The following ARHGAP20 variants were observed in gnomAD, a reference collection of about 807,000 sequenced individuals.
ARHGAP20 encodes the protein Rho GTPase activating protein 20, also known as rho GTPase-activating protein 20.
In ARHGAP20, 34 loss-of-function variants were observed where a neutral mutation model predicts 73.7. The observed-to-expected ratio is 0.46, with a 90% CI of 0.35 to 0.61. ARHGAP20 has a LOEUF of 0.61. Ranked by LOEUF, ARHGAP20 falls within the 20% of genes least tolerant of loss-of-function variation. ARHGAP20 has a pLI of 0.00. For synonymous variants in ARHGAP20, 523 were observed against 518.2 expected (o/e 1.01, Z -0.13); for missense variants, 1,314 against 1,420.9 (o/e 0.92, Z 1.21).
At position 110,577,403 on chromosome 11, in the gene ARHGAP20, T is replaced by TA. The variant is rs1295683384; in HGVS notation, c.*1966dup. 11 of 1,154,044 alleles carry TA rather than the reference T, an allele frequency of 9.5e-6. 1 individual carries two copies. The highest frequency in any genetic ancestry group is 8.7e-5 in the South Asian group (2 of 22,874). 71.5% of individuals were successfully genotyped at this position (1,154,044 alleles called of 1,614,324 possible). A position where few individuals can be genotyped will look rare whatever the true frequency, so the allele number is the denominator to read the frequency against. ...GAACACAGATAGTAGGAATGGTTAT[T>TA]AAAAAACCTCAGCAACTATTTTCTT... is the stretch of plus-strand genomic sequence containing the variant. On this transcript the variant is annotated 3_prime_UTR_variant, in exon 15 of 15. Transcript: ENST00000683387.
At chr11:110,661,512 A>G (rs1420157551) in intron 2 of ARHGAP20, among the ~76,000 whole-genome samples, 2 of 152,104 alleles carry the variant, frequency 1.3e-5, no homozygotes, top group African/African-American at 4.8e-5. Context: ...TAACACAACC[A>G]AATTATACTT....
At chr11:110,674,630 T>C (rs1565471496) in intron 2 of ARHGAP20, among the ~76,000 whole-genome samples, 1 of 151,620 alleles carries the variant, frequency 6.6e-6, no homozygotes, top group African/African-American at 2.4e-5. Flanking sequence ...AGATTTCTCA[T>C]TATATATATA....
chr11:110,583,989 A>G (rs1947547454), intron 12 of ARHGAP20, among the ~76,000 whole-genome samples: 7 of 152,206 alleles, frequency 4.6e-5, no homozygotes. Flanking sequence ...ATGCAGAAAA[A>G]TATTTCATTA....
At position 110,579,345 on chromosome 11, in the gene ARHGAP20, T is replaced by A. The variant is rs1947370561; in HGVS notation, c.*25A>T. The A allele has an allele frequency of 6.4e-7, 1 of 1,553,950 alleles. No individual in the cohort carries two copies. The highest frequency in any genetic ancestry group is 1.2e-5 in the South Asian group (1 of 82,906). On this transcript the variant is annotated 3_prime_UTR_variant, in exon 15 of 15. Coordinates refer to ENST00000683387, the MANE Select transcript of ARHGAP20 (RefSeq NM_001384657.1). ...TTATTATTAACCCAGTTCCTGTTCTTGTGGACATCAGATTCTTACTATGCT... is the reference window on the plus strand; with the variant it reads ...TTATTATTAACCCAGTTCCTGTTCTAGTGGACATCAGATTCTTACTATGCT...
chr11:110,592,731 T>C (rs898587084), intron 9 of ARHGAP20, among the ~76,000 whole-genome samples: 2 of 152,180 alleles, frequency 1.3e-5, no homozygotes, highest in Admixed American at 1.3e-4. Context: ...TGTTAAGATG[T>C]TCGTTAGAAA....
intron 9 of ARHGAP20, among the ~76,000 whole-genome samples, chr11:110,592,689 G>A (rs1024708536): frequency 1.8e-4 from 27 of 152,068 alleles, no homozygotes; most frequent in Non-Finnish European, 4.0e-4. Context: ...AAGGGAAGAG[G>A]GGAGGAGAAG....
intron 2 of ARHGAP20, among the ~76,000 whole-genome samples, chr11:110,645,313 C>G (rs1949167247): frequency 6.6e-6 from 1 of 152,002 alleles, no homozygotes; most frequent in African/African-American, 2.4e-5. Context: ...CCCAGCCAAA[C>G]AGACACTTCT....
intron 5 of ARHGAP20, among the ~76,000 whole-genome samples, chr11:110,614,959 T>C (rs1948451670): frequency 6.6e-6 from 1 of 152,144 alleles, no homozygotes; most frequent in African/African-American, 2.4e-5. Flanking sequence ...ACCTTACTGA[T>C]AAGTATAGGA....
At chr11:110,611,226 CTT>C (rs1948359002) in intron 7 of ARHGAP20, 81 bp downstream of exon 7, 14 of 889,598 alleles carry the variant, frequency 1.6e-5, no homozygotes, top group Non-Finnish European at 2.4e-5. Flanking sequence ...AATCAGCTGT[CTT>C]ATGATGGAAG....
chr11:110,586,704 T>C (rs1050897053), intron 11 of ARHGAP20, among the ~76,000 whole-genome samples: 2 of 152,234 alleles, frequency 1.3e-5, no homozygotes, highest in African/African-American at 4.8e-5. Context: ...AAGGTATCTA[T>C]GAGGTTCATT....
intron 2 of ARHGAP20, among the ~76,000 whole-genome samples, chr11:110,661,543 A>C (rs1288909885): frequency 6.6e-6 from 1 of 152,054 alleles, no homozygotes; most frequent in African/African-American, 2.4e-5. Flanking sequence ...TATAGTAAAA[A>C]AATTCAACAT....
chr11:110,708,333 G>T (rs1950586439), intron 1 of ARHGAP20, among the ~76,000 whole-genome samples: 1 of 152,098 alleles, frequency 6.6e-6, no homozygotes. Flanking sequence ...AAAAACAATG[G>T]ACAGATTCTT....
chr11:110,690,960 G>A (rs1254970092), intron 1 of ARHGAP20: 1 of 1,488,994 alleles, frequency 6.7e-7, no homozygotes, highest in Non-Finnish European at 9.0e-7. Flanking sequence ...CTAAAGGCTG[G>A]ACATGGATTA....
intron 2 of ARHGAP20, among the ~76,000 whole-genome samples, chr11:110,665,615 A>G (rs1281824999): frequency 6.6e-6 from 1 of 152,212 alleles, no homozygotes; most frequent in Non-Finnish European, 1.5e-5. Context: ...TGAGAAATCA[A>G]GGAGGCCAAC....
At chr11:110,706,446 C>T (rs758380258) in intron 1 of ARHGAP20, among the ~76,000 whole-genome samples, 4 of 151,908 alleles carry the variant, frequency 2.6e-5, no homozygotes, top group Non-Finnish European at 4.4e-5. Flanking sequence ...TATAGCCAAC[C>T]CTTGTATTTT....
At chr11:110,693,644 G>A (rs1422650897) in intron 1 of ARHGAP20, among the ~76,000 whole-genome samples, 1 of 151,692 alleles carries the variant, frequency 6.6e-6, no homozygotes, top group Non-Finnish European at 1.5e-5. Flanking sequence ...CAAACAAAGG[G>A]CCACTAATAA....
At chr11:110,676,986 A>C (rs1195390995) in intron 2 of ARHGAP20, among the ~76,000 whole-genome samples, 1 of 152,194 alleles carries the variant, frequency 6.6e-6, no homozygotes, top group Non-Finnish European at 1.5e-5. Flanking sequence ...ATGTATAGAA[A>C]TTATTCTTTT....
chr11:110,697,564 G>A (rs1185307440), intron 1 of ARHGAP20, among the ~76,000 whole-genome samples: 3 of 151,598 alleles, frequency 2.0e-5, no homozygotes, highest in Non-Finnish European at 4.4e-5. Context: ...CTTTGCAGAC[G>A]CTGTTTAGTT....
chr11:110,660,017 C>A (rs1228537837), intron 2 of ARHGAP20, among the ~76,000 whole-genome samples: 3 of 138,684 alleles, frequency 2.2e-5, no homozygotes, highest in Non-Finnish European at 4.6e-5. Context: ...AACTAACCTG[C>A]ACAATGTGCA....
Sources: allele counts gnomAD v4.1 joint callset (sites outside exome capture counted in the v4.1 genomes callset), GRCh38; gene constraint gnomAD v4.1.1; transcripts MANE v1.5; gene names NCBI Gene and HGNC (gene_info 2026-07-23, HGNC 2026-07-21).